The following LINGO2 variants were observed in gnomAD, a reference collection of about 807,000 sequenced individuals.
The protein encoded by LINGO2 is leucine-rich repeat and immunoglobulin-like domain-containing nogo receptor-interacting protein 2.
Under a neutral mutation model 30.6 loss-of-function variants are expected in LINGO2, and 14 were observed. The observed-to-expected ratio is 0.46, with a 90% CI of 0.30 to 0.72. The LOEUF (loss-of-function observed/expected upper bound fraction) is 0.72, where lower values mean the gene tolerates loss of function less well. Among genes scored for constraint, LINGO2 ranks in the 30% least tolerant of loss-of-function variants. The pLI is 0.07. For synonymous variants in LINGO2, 317 were observed against 288.5 expected (o/e 1.10, Z -1.00); for missense variants, 729 against 751.7 (o/e 0.97, Z 0.35).
At chr9:29,058,988 G>C in the LINGO2 span, among the ~76,000 whole-genome samples, 1 of 151,762 alleles carries the variant, frequency 6.6e-6, no homozygotes, top group Non-Finnish European at 1.5e-5. Flanking sequence ...AAATAAAACA[G>C]TTGTAGTTCT....
intron 1 of LINGO2, among the ~76,000 whole-genome samples, chr9:28,667,899 C>T (rs2136033959): frequency 6.6e-6 from 1 of 152,264 alleles, no homozygotes; most frequent in Non-Finnish European, 1.5e-5. Flanking sequence ...CACTGCTGAC[C>T]TATTTTACAG....
chr9:29,055,052 C>T, the LINGO2 span, among the ~76,000 whole-genome samples: 103 of 152,186 alleles, frequency 6.8e-4, no homozygotes, highest in African/African-American at 2.3e-3. Flanking sequence ...AGCCCCATCT[C>T]TACTAAAAAT....
intron 2 of LINGO2, among the ~76,000 whole-genome samples, chr9:28,456,242 G>C (rs1824842031): frequency 6.6e-6 from 1 of 152,140 alleles, no homozygotes; most frequent in Non-Finnish European, 1.5e-5. Context: ...GTCAATGCTG[G>C]TTAGTACTAA....
the LINGO2 span, among the ~76,000 whole-genome samples, chr9:29,018,419 T>G: frequency 6.6e-6 from 1 of 151,914 alleles, no homozygotes; most frequent in African/African-American, 2.4e-5. Flanking sequence ...AATATACCCA[T>G]GTAACGAACT....
the LINGO2 span, among the ~76,000 whole-genome samples, chr9:28,696,204 A>G: frequency 6.6e-6 from 1 of 151,934 alleles, no homozygotes; most frequent in Non-Finnish European, 1.5e-5. Flanking sequence ...TACTTTGACA[A>G]CAAACAACTT....
intron 1 of LINGO2, among the ~76,000 whole-genome samples, chr9:28,507,240 T>TGTGTGTGTGTGTGC (rs5897306): frequency 3.1e-4 from 47 of 149,996 alleles, no homozygotes; most frequent in Middle Eastern, 3.4e-3. Flanking sequence ...TGTGTGTGCG[T>TGTGTGTGTGTGTGC]GCGTGCGCAC....
the LINGO2 span, among the ~76,000 whole-genome samples, chr9:28,884,980 A>ATTTT: frequency 4.2e-5 from 1 of 23,916 alleles, no homozygotes; most frequent in African/African-American, 1.6e-4. Flanking sequence ...TAATATATAT[A>ATTTT]ATATATAATA....
At chr9:28,122,817 T>C (rs1827136751) in intron 4 of LINGO2, among the ~76,000 whole-genome samples, 1 of 152,224 alleles carries the variant, frequency 6.6e-6, no homozygotes, top group Non-Finnish European at 1.5e-5. Flanking sequence ...TTGAGAGCTT[T>C]ATGTTTTTAA....
intron 1 of LINGO2, among the ~76,000 whole-genome samples, chr9:28,642,749 G>A (rs1033770931): frequency 6.6e-6 from 1 of 152,106 alleles, no homozygotes; most frequent in Non-Finnish European, 1.5e-5. Flanking sequence ...GGGGTATAGA[G>A]AGAAATCAAT....
chr9:29,074,838 G>T, the LINGO2 span, among the ~76,000 whole-genome samples: 3 of 137,802 alleles, frequency 2.2e-5, no homozygotes, highest in East Asian at 6.2e-4. Flanking sequence ...TAGCTAATTT[G>T]CTTTTTTTTT....
chr9:28,640,745 T>C (rs998780318), intron 1 of LINGO2, among the ~76,000 whole-genome samples: 2 of 152,014 alleles, frequency 1.3e-5, no homozygotes, highest in Non-Finnish European at 2.9e-5. Context: ...TATTCAAGGT[T>C]TTTAACTTCT....
the LINGO2 span, among the ~76,000 whole-genome samples, chr9:28,910,475 A>T: frequency 6.6e-6 from 1 of 151,974 alleles, no homozygotes. Flanking sequence ...CTGTGTCCCC[A>T]CCCAAATCTC....
chr9:28,022,361 GAAGT>G (rs1172931338), intron 4 of LINGO2, among the ~76,000 whole-genome samples: 4 of 151,934 alleles, frequency 2.6e-5, no homozygotes, highest in Admixed American at 6.6e-5. Context: ...ATTAAGATTA[GAAGT>G]AAGAAAAATA....
intron 1 of LINGO2, among the ~76,000 whole-genome samples, chr9:28,639,003 G>T (rs879360687): frequency 1.3e-5 from 2 of 152,046 alleles, no homozygotes; most frequent in Admixed American, 6.6e-5. Flanking sequence ...GTGTCCCAGA[G>T]ATTCTGGTAT....
chr9:28,166,273 A>G (rs1828423953), intron 4 of LINGO2, among the ~76,000 whole-genome samples: 1 of 152,200 alleles, frequency 6.6e-6, no homozygotes, highest in Non-Finnish European at 1.5e-5. Context: ...ATCATAAGTC[A>G]TAGATGGTAG....
chr9:28,895,534 A>G, the LINGO2 span, among the ~76,000 whole-genome samples: 1 of 152,130 alleles, frequency 6.6e-6, no homozygotes, highest in South Asian at 2.1e-4. Flanking sequence ...AAAATTACGT[A>G]ATCTTCCTCA....
At chr9:28,867,135 A>G in the LINGO2 span, among the ~76,000 whole-genome samples, 1 of 152,176 alleles carries the variant, frequency 6.6e-6, no homozygotes, top group Non-Finnish European at 1.5e-5. Context: ...GCTAAATCAC[A>G]CCACTAATAT....
At chr9:28,051,789 A>T (rs1824686947) in intron 4 of LINGO2, among the ~76,000 whole-genome samples, 1 of 152,104 alleles carries the variant, frequency 6.6e-6, no homozygotes, top group Non-Finnish European at 1.5e-5. Context: ...AGTTGATATA[A>T]ACAGATTTCA....
chr9:28,520,103 A>C (rs1820773585), intron 1 of LINGO2, among the ~76,000 whole-genome samples: 1 of 152,176 alleles, frequency 6.6e-6, no homozygotes, highest in Non-Finnish European at 1.5e-5. Context: ...TTTCAACATA[A>C]ACATCACATG....
Sources: allele counts gnomAD v4.1 joint callset (sites outside exome capture counted in the v4.1 genomes callset), GRCh38; gene constraint gnomAD v4.1.1; transcripts MANE v1.5; gene names NCBI Gene and HGNC (gene_info 2026-07-23, HGNC 2026-07-21).